NDST3: variants seen among roughly 807,000 people sequenced by gnomAD.
NDST3 encodes the protein N-deacetylase and N-sulfotransferase 3.
In NDST3, 58 loss-of-function variants were observed where a neutral mutation model predicts 96.1. The observed-to-expected ratio is 0.60, with a 90% CI of 0.49 to 0.75. The LOEUF is 0.75. Among genes scored for constraint, NDST3 ranks in the 30% least tolerant of loss-of-function variants. The pLI, the probability that NDST3 is intolerant of heterozygous loss-of-function variation, is 0.00. For synonymous variants in NDST3, 333 were observed against 359.7 expected, an observed-to-expected ratio of 0.93 and a Z score of 0.84; for missense variants, 788 against 1,034.2, an observed-to-expected ratio of 0.76 and a Z score of 3.27.
intron 6 of NDST3, among the ~76,000 whole-genome samples, chr4:118,157,415 C>T (rs1229654359): frequency 7.4e-6 from 1 of 134,450 alleles, no homozygotes; most frequent in Non-Finnish European, 1.6e-5. Context: ...ATTTTTTACA[C>T]AGTTTTGTTT....
intron 6 of NDST3, chr4:118,194,735 A>T (rs939505924): frequency 3.5e-5 from 18 of 507,666 alleles, no homozygotes; most frequent in Non-Finnish European, 6.5e-5. Flanking sequence ...AGTCTCCTTC[A>T]TCTCCTCAAC....
At chr4:118,225,717 A>G (rs1179978974) in intron 7 of NDST3, among the ~76,000 whole-genome samples, 1 of 152,214 alleles carries the variant, frequency 6.6e-6, no homozygotes, top group Non-Finnish European at 1.5e-5. Flanking sequence ...TTTATACTCA[A>G]TGCATTCAGC....
rs190507709 is a variant in NDST3 at position 118,253,700 on chromosome 4, T to G, written c.2502+99T>G. The G allele has an allele frequency of 9.4e-5, 76 of 812,710 alleles. No homozygotes were observed. The East Asian group carries it at 1.9e-3, about 21-fold the overall frequency. The allele number at this position is 812,710 out of a possible 1,614,324, so 50.3% of individuals were successfully genotyped here. ...AACTAGTTAAAGTCAAAATTCAGCC[T>G]TTCTAAAAATTAAAAGTGCCATTTC... is the stretch of plus-strand genomic sequence containing the variant. On this transcript the variant is annotated intron_variant, in intron 13 of 13. Coordinates refer to ENST00000296499, the MANE Select transcript of NDST3 (RefSeq NM_004784.3).
chr4:118,136,616 C>T (rs903081489), intron 4 of NDST3, among the ~76,000 whole-genome samples: 3 of 152,102 alleles, frequency 2.0e-5, no homozygotes, highest in African/African-American at 7.2e-5. Context: ...TGAAACTTTA[C>T]CTCTCACCCT....
At chr4:118,231,900 G>T (rs1740318653) in intron 8 of NDST3, among the ~76,000 whole-genome samples, 1 of 152,030 alleles carries the variant, frequency 6.6e-6, no homozygotes, top group Non-Finnish European at 1.5e-5. Context: ...AACCCTAACT[G>T]TACAGTTTAT....
At chr4:118,240,931 A>T (rs1226943932) in intron 11 of NDST3, among the ~76,000 whole-genome samples, 1 of 152,230 alleles carries the variant, frequency 6.6e-6, no homozygotes, top group Non-Finnish European at 1.5e-5. Flanking sequence ...GATTGTAAAA[A>T]GCTTTGAAAG....
At chr4:118,078,956 T>C (rs1727800175) in intron 2 of NDST3, among the ~76,000 whole-genome samples, 1 of 152,208 alleles carries the variant, frequency 6.6e-6, no homozygotes, top group African/African-American at 2.4e-5. Flanking sequence ...TTTTTTTTAC[T>C]GTGAACATAA....
intron 2 of NDST3, among the ~76,000 whole-genome samples, chr4:118,074,359 T>A (rs934993196): frequency 6.6e-6 from 1 of 152,208 alleles, no homozygotes; most frequent in Admixed American, 6.5e-5. Flanking sequence ...AAGTCTCCCA[T>A]TATTACTATG....
intron 6 of NDST3, among the ~76,000 whole-genome samples, chr4:118,203,456 G>A (rs1738228165): frequency 6.6e-6 from 1 of 152,144 alleles, no homozygotes; most frequent in African/African-American, 2.4e-5. Context: ...TTTTTGGTTA[G>A]TAGGTTCTTA....
At chr4:118,043,573 C>A (rs1036820701) in intron 1 of NDST3, among the ~76,000 whole-genome samples, 2 of 152,204 alleles carry the variant, frequency 1.3e-5, no homozygotes, top group African/African-American at 4.8e-5. Flanking sequence ...CTTAATTTTC[C>A]ATATTCATCC....
rs561077996 is a variant in NDST3, at chr4:118,112,870, G to C, written c.1070-1936G>C. Among the ~76,000 whole-genome samples the C allele has an allele frequency of 1.1e-4, 16 of 152,198 alleles. No homozygotes were observed. In the East Asian group the frequency reaches 2.7e-3, roughly 26 times the overall value. On this transcript the variant is annotated intron_variant, in intron 3 of 13. Coordinates refer to ENST00000296499, the MANE Select transcript of NDST3 (RefSeq NM_004784.3). ...ACCACTCAGAAGCGCCAAGAATGCTGGTGACTCATTCATTAATCAGGCCAA... is the reference window on the plus strand; with the variant it reads ...ACCACTCAGAAGCGCCAAGAATGCTCGTGACTCATTCATTAATCAGGCCAA...
intron 6 of NDST3, among the ~76,000 whole-genome samples, chr4:118,146,535 G>A (rs1408923792): frequency 1.3e-5 from 2 of 151,968 alleles, no homozygotes; most frequent in Admixed American, 1.3e-4. Context: ...AGTTAAACTG[G>A]AAAGATCACA....
chr4:118,200,838 T>C (rs1738029300), intron 6 of NDST3, among the ~76,000 whole-genome samples: 1 of 152,168 alleles, frequency 6.6e-6, no homozygotes, highest in South Asian at 2.1e-4. Flanking sequence ...ACAGATTTGT[T>C]ACATAGGAAT....
At chr4:118,207,555 A>G (rs1738515500) in intron 6 of NDST3, among the ~76,000 whole-genome samples, 1 of 145,178 alleles carries the variant, frequency 6.9e-6, no homozygotes, top group Admixed American at 6.8e-5. Flanking sequence ...GACACAGTAA[A>G]AACAAAAAAC....
At chr4:118,100,253 A>C (rs953690734) in intron 2 of NDST3, among the ~76,000 whole-genome samples, 2 of 152,020 alleles carry the variant, frequency 1.3e-5, no homozygotes. Flanking sequence ...GAGCTGAGGC[A>C]TCCATCTTTA....
At chr4:118,041,354 C>T (rs1400010334) in intron 1 of NDST3, among the ~76,000 whole-genome samples, 3 of 152,120 alleles carry the variant, frequency 2.0e-5, no homozygotes, top group East Asian at 1.9e-4. Context: ...AGCTGCATTA[C>T]TATTGTTATT....
chr4:118,173,607 A>G (rs555780573), intron 6 of NDST3, among the ~76,000 whole-genome samples: 9 of 152,296 alleles, frequency 5.9e-5, no homozygotes, highest in Admixed American at 5.2e-4. Flanking sequence ...GCATAGCTAT[A>G]TAGCAGTATG....
intron 6 of NDST3, among the ~76,000 whole-genome samples, chr4:118,180,415 G>C (rs1736536948): frequency 6.6e-6 from 1 of 152,102 alleles, no homozygotes; most frequent in Non-Finnish European, 1.5e-5. Context: ...CTGCATCTAT[G>C]TTGCTGCAAA....
At chr4:118,187,908 G>C (rs905991263) in intron 6 of NDST3, among the ~76,000 whole-genome samples, 1 of 152,128 alleles carries the variant, frequency 6.6e-6, no homozygotes, top group Non-Finnish European at 1.5e-5. Flanking sequence ...TGGATGGCAA[G>C]AGCAATCTTT....
Sources: gnomAD v4.1 joint callset for allele counts (sites outside exome capture counted in the v4.1 genomes callset) on GRCh38, gnomAD v4.1.1 for gene constraint, MANE v1.5 for transcripts, NCBI Gene and HGNC (gene_info 2026-07-23, HGNC 2026-07-21) for gene names.